The following TTC33 variants were observed in gnomAD, a reference collection of about 807,000 sequenced individuals.
The protein encoded by TTC33 is tetratricopeptide repeat domain 33.
Under a neutral mutation model 29.4 loss-of-function variants are expected in TTC33, and 24 were observed. The observed-to-expected ratio is 0.82, with a 90% CI of 0.59 to 1.15. The LOEUF (loss-of-function observed/expected upper bound fraction) is 1.15. Ranked by LOEUF, TTC33 falls within the 50% of genes most tolerant of loss-of-function variation. The probability of loss-of-function intolerance (pLI) is 0.00; values close to 1 mark genes in which losing one functional copy is unlikely to be tolerated. For synonymous variants in TTC33, 107 were observed against 100.3 expected (o/e 1.07, Z -0.40); for missense variants, 286 against 310.4 (o/e 0.92, Z 0.59).
intron 1 of TTC33, among the ~76,000 whole-genome samples, chr5:40,749,917 G>A (rs893789328): frequency 6.6e-6 from 1 of 151,700 alleles, no homozygotes; most frequent in Non-Finnish European, 1.5e-5. Context: ...GTGAAACCCC[G>A]TCTCTACTAA....
intron 1 of TTC33, among the ~76,000 whole-genome samples, chr5:40,754,432 G>A (rs994031153): frequency 1.3e-5 from 2 of 152,152 alleles, no homozygotes; most frequent in Non-Finnish European, 1.5e-5. Context: ...AGCAAACAGC[G>A]GCTAGTCATC....
chr5:40,731,625 G>A (rs1342797553), intron 2 of TTC33, among the ~76,000 whole-genome samples: 2 of 152,174 alleles, frequency 1.3e-5, no homozygotes, highest in East Asian at 3.8e-4. Context: ...AGTGTCATGA[G>A]ACCAGCATGG....
intron 2 of TTC33, among the ~76,000 whole-genome samples, 200 bp downstream of exon 2, chr5:40,746,598 T>C (rs1443003894): frequency 2.6e-5 from 4 of 152,282 alleles, no homozygotes; most frequent in Admixed American, 2.6e-4. Flanking sequence ...TTTTACAAAC[T>C]TTCATTGCAT....
chr5:40,747,897 A>C (rs453037), intron 1 of TTC33, among the ~76,000 whole-genome samples: 102,041 of 152,038 alleles, frequency 0.67, 34,389 homozygotes, highest in East Asian at 0.8. Flanking sequence ...CCGATCTCGG[A>C]TCACTGCAAC....
chr5:40,718,232 C>T (rs561609904), intron 4 of TTC33, among the ~76,000 whole-genome samples: 7 of 151,700 alleles, frequency 4.6e-5, no homozygotes, highest in African/African-American at 1.5e-4. Flanking sequence ...GACAAAACCC[C>T]GTCTCTACTA....
At chr5:40,744,811 T>C (rs1263595819) in intron 2 of TTC33, among the ~76,000 whole-genome samples, 5 of 152,228 alleles carry the variant, frequency 3.3e-5, no homozygotes, top group Admixed American at 6.5e-5. Context: ...TATAAAAATA[T>C]GGCTCTCAAC....
At position 40,713,663 on chromosome 5, in the gene TTC33, ACT is replaced by A. The variant is rs1270770784; in HGVS notation, c.*2480_*2481del. On this transcript the variant is annotated 3_prime_UTR_variant, in exon 5 of 5. Transcript: ENST00000337702. ...TCAGGCATGGTCTGGATGTCTAGAC[ACT>A]CTGACTAATGAGTGTCTATGCCATA... Among the ~76,000 whole-genome samples the A allele has an allele frequency of 6.6e-6, 1 of 152,186 alleles. No homozygotes were observed. Among genetic ancestry groups the A allele is most frequent in the East Asian group, 1.9e-4 (1 of 5,198 alleles).
At chr5:40,743,411 CAG>C (rs1307805760) in intron 2 of TTC33, among the ~76,000 whole-genome samples, 1 of 152,112 alleles carries the variant, frequency 6.6e-6, no homozygotes, top group African/African-American at 2.4e-5. Context: ...GGCAGGGACT[CAG>C]TATTTTTTTT....
chr5:40,743,399 T>C (rs1409374860), intron 2 of TTC33, among the ~76,000 whole-genome samples: 1 of 152,212 alleles, frequency 6.6e-6, no homozygotes, highest in East Asian at 1.9e-4. Context: ...GTTGATTTGG[T>C]AGGCAGGGAC....
chr5:40,734,028 C>G (rs934343694), intron 2 of TTC33, among the ~76,000 whole-genome samples: 6 of 152,210 alleles, frequency 3.9e-5, no homozygotes, highest in African/African-American at 1.4e-4. Context: ...AGAGGCATCC[C>G]TCAATGAAAT....
At chr5:40,722,655 C>T (rs1261231755) in intron 4 of TTC33, among the ~76,000 whole-genome samples, 1 of 149,824 alleles carries the variant, frequency 6.7e-6, no homozygotes, top group Non-Finnish European at 1.5e-5. Flanking sequence ...GGAAGTGAGG[C>T]GTGTCTCCGC....
intron 2 of TTC33, 41 bp from the exon 3 acceptor site, chr5:40,730,384 T>TG: frequency 6.5e-7 from 1 of 1,548,824 alleles, no homozygotes; most frequent in Non-Finnish European, 8.8e-7. Flanking sequence ...ATTTTCAATA[T>TG]GCTTTTTTGG....
chr5:40,753,968 T>C (rs1742941409), intron 1 of TTC33, among the ~76,000 whole-genome samples: 1 of 150,636 alleles, frequency 6.6e-6, no homozygotes, highest in Admixed American at 6.6e-5. Context: ...GGGGCTGTGA[T>C]AGGGTGGGAA....
At chr5:40,753,170 G>A (rs967950466) in intron 1 of TTC33, among the ~76,000 whole-genome samples, 4 of 152,010 alleles carry the variant, frequency 2.6e-5, no homozygotes, top group Admixed American at 6.6e-5. Context: ...TTCAAGACAA[G>A]CCTGGCCAAC....
chr5:40,735,953 G>C (rs1742540719), intron 2 of TTC33, among the ~76,000 whole-genome samples: 1 of 152,218 alleles, frequency 6.6e-6, no homozygotes, highest in Admixed American at 6.5e-5. Context: ...AGTGGGAGCA[G>C]AGAAATGGCA....
At chr5:40,738,332 T>C (rs879631587) in intron 2 of TTC33, among the ~76,000 whole-genome samples, 10 of 151,754 alleles carry the variant, frequency 6.6e-5, no homozygotes, top group African/African-American at 2.4e-5. Context: ...GGAGAATTGC[T>C]TGAACCCGGG....
At chr5:40,732,333 T>C (rs2111901213) in intron 2 of TTC33, among the ~76,000 whole-genome samples, 1 of 152,198 alleles carries the variant, frequency 6.6e-6, no homozygotes, top group African/African-American at 2.4e-5. Flanking sequence ...TTGGCATTAC[T>C]TGTTCTCACT....
intron 4 of TTC33, 90 bp from the exon 5 acceptor site, chr5:40,716,588 C>T: frequency 2.5e-6 from 2 of 797,524 alleles, no homozygotes. Flanking sequence ...ATATACTGTA[C>T]ACATACACAT....
At chr5:40,730,968 G>A (rs868661004) in intron 2 of TTC33, among the ~76,000 whole-genome samples, 1 of 152,058 alleles carries the variant, frequency 6.6e-6, no homozygotes, top group Non-Finnish European at 1.5e-5. Context: ...CATCTACTAA[G>A]CTTTAATGAT....
Sources: allele counts gnomAD v4.1 joint callset (sites outside exome capture counted in the v4.1 genomes callset), GRCh38; gene constraint gnomAD v4.1.1; transcripts MANE v1.5; gene names NCBI Gene and HGNC (gene_info 2026-07-23, HGNC 2026-07-21).